PHC2: variants seen among roughly 807,000 people sequenced by gnomAD.
The protein encoded by PHC2 is polyhomeotic-like protein 2.
A neutral mutation model predicts 87.4 loss-of-function variants in PHC2; 29 were observed. That is an observed-to-expected ratio of 0.33 (90% CI 0.25 to 0.45). The LOEUF is 0.45. Among genes scored for constraint, PHC2 ranks in the 20% least tolerant of loss-of-function variants. The pLI is 1.00. For missense variants in PHC2, 857 were observed against 1,136.7 expected (o/e 0.75, Z 3.54); for synonymous variants, 438 against 461.7 (o/e 0.95, Z 0.66).
intron 13 of PHC2, among the ~76,000 whole-genome samples, chr1:33,329,776 C>G (rs1193958958): frequency 2.0e-5 from 3 of 152,146 alleles, no homozygotes; most frequent in Non-Finnish European, 4.4e-5. Context: ...CCTGAGCAGC[C>G]CAGGGGAGAC....
chr1:33,325,715 C>A (rs938615909), intron 14 of PHC2: 7 of 357,876 alleles, frequency 2.0e-5, no homozygotes, highest in African/African-American at 1.5e-4. Flanking sequence ...CTTGAGATGA[C>A]AAGTGATTGC....
In PHC2 at chr1:33,354,715, T is replaced by G. The variant is rs541203676; in HGVS notation, c.1392+123A>C. The G allele has an allele frequency of 1.2e-5, 16 of 1,340,598 alleles. No homozygotes were observed. The Middle Eastern group carries it at 7.5e-4, about 63-fold the overall frequency. The allele number at this position is 1,340,598 out of a possible 1,614,324, so 83.0% of individuals were successfully genotyped here. ...TTGGGGAAGGCCCTCTCTTCCTTCT[T>G]GGAATCCCCAAAGATGACTTCACCC... On this transcript the variant is annotated intron_variant, in intron 8 of 14. Transcript: ENST00000683057.
chr1:33,354,201 C>T (rs74334329), intron 9 of PHC2, among the ~76,000 whole-genome samples, 200 bp downstream of exon 9: 1 of 152,200 alleles, frequency 6.6e-6, no homozygotes, highest in East Asian at 1.9e-4. Flanking sequence ...TGTCTCCACC[C>T]TCTTGCTCTA....
At chr1:33,350,711 T>TC (rs772130749) in intron 9 of PHC2, among the ~76,000 whole-genome samples, 5 of 151,806 alleles carry the variant, frequency 3.3e-5, no homozygotes, top group Non-Finnish European at 7.4e-5. Flanking sequence ...GCCTTTCTTC[T>TC]CCCCCCACCC....
At chr1:33,333,090 G>C (rs531818451) in intron 10 of PHC2, among the ~76,000 whole-genome samples, 1 of 152,294 alleles carries the variant, frequency 6.6e-6, no homozygotes, top group Non-Finnish European at 1.5e-5. Context: ...GTGGTTTCTA[G>C]TGTTACTCTA....
chr1:33,391,521 G>C (rs867879040), intron 1 of PHC2, among the ~76,000 whole-genome samples: 2 of 152,074 alleles, frequency 1.3e-5, no homozygotes, highest in Non-Finnish European at 2.9e-5. Context: ...CTGTATGCTT[G>C]GGAAGATCTT....
In PHC2 at chr1:33,324,085, A is replaced by C. The variant is rs1646321566; in HGVS notation, c.*780T>G. ...TCACAGTGCGGGGAGGGGTGTCTGGAAAGGAAACTCTGAAGCGCCGTCTCT... is the reference window on the plus strand; with the variant it reads ...TCACAGTGCGGGGAGGGGTGTCTGGCAAGGAAACTCTGAAGCGCCGTCTCT... On this transcript the variant is annotated 3_prime_UTR_variant, in exon 15 of 15. Coordinates refer to ENST00000683057, the MANE Select transcript of PHC2 (RefSeq NM_001385109.1). 1 of 152,540 alleles carries C rather than the reference A, an allele frequency of 6.6e-6. No individual in the cohort carries two copies. The highest frequency in any genetic ancestry group is 2.1e-4 in the South Asian group (1 of 4,836). The allele number at this position is 152,540 out of a possible 1,614,324, so 9.4% of individuals were successfully genotyped here.
chr1:33,422,458 G>A (rs1265627390), intron 1 of PHC2, among the ~76,000 whole-genome samples: 1 of 152,168 alleles, frequency 6.6e-6, no homozygotes, highest in African/African-American at 2.4e-5. Context: ...CTAAAAGGAT[G>A]GGCAAGCCCA....
At chr1:33,339,670 C>G (rs1320822794) in intron 9 of PHC2, among the ~76,000 whole-genome samples, 1 of 152,230 alleles carries the variant, frequency 6.6e-6, no homozygotes, top group Non-Finnish European at 1.5e-5. Context: ...AGACGTCAGG[C>G]TGGTGCCAGT....
intron 7 of PHC2, among the ~76,000 whole-genome samples, chr1:33,361,006 T>C (rs1423252700): frequency 2.0e-5 from 3 of 152,196 alleles, no homozygotes; most frequent in Non-Finnish European, 4.4e-5. Context: ...TTGCAGGCAG[T>C]TGAGAATACT....
At position 33,368,808 on chromosome 1, in the gene PHC2, G is replaced by A. The variant is rs1647640685; in HGVS notation, c.577-186C>T. On this transcript the variant is annotated intron_variant, in intron 5 of 14. Coordinates refer to ENST00000683057, the MANE Select transcript of PHC2 (RefSeq NM_001385109.1). This position sits in a 1 kb window ranked among gnomAD's most constrained non-coding sequence, Gnocchi z 6.6. ...GCAGGACAGTAGAAGCAGAAAGGAA[G>A]GGGGAGTCCAAGGGGAGCGCCTGCC... Among the ~76,000 whole-genome samples, 1 of 152,184 alleles carries A rather than the reference G, an allele frequency of 6.6e-6. No homozygotes were observed. The highest frequency in any genetic ancestry group is 1.5e-5 in the Non-Finnish European group (1 of 68,030).
chr1:33,343,545 T>C (rs183894482), intron 9 of PHC2, among the ~76,000 whole-genome samples: 2 of 151,990 alleles, frequency 1.3e-5, no homozygotes, highest in African/African-American at 4.8e-5. Context: ...TCTAGGCCTC[T>C]TTCCTCATCT....
rs532087927 is a variant in PHC2 at position 33,334,785 on chromosome 1, A to G, written c.1559-493T>C. ...GAGGAGGGATTTTAAGAGCCCTGTG[A>G]AATGTCAAAACACTGAACCCCAGAA... On this transcript the variant is annotated intron_variant, in intron 9 of 14. Transcript: ENST00000683057. The surrounding 1 kb of genome is among the most constrained non-coding windows in gnomAD (Gnocchi z 5.5). Among the ~76,000 whole-genome samples, 3 of 152,350 alleles carry G rather than the reference A, an allele frequency of 2.0e-5. No homozygotes were observed. The highest frequency in any genetic ancestry group is 7.2e-5 in the African/African-American group (3 of 41,582).
chr1:33,332,150 TGG>T lies in PHC2; in HGVS notation c.1891+123_1891+124del. The T allele has an allele frequency of 9.5e-7, 1 of 1,055,550 alleles. No individual in the cohort carries two copies. The highest frequency in any genetic ancestry group is 1.4e-6 in the Non-Finnish European group (1 of 712,620). 65.4% of individuals were successfully genotyped at this position (1,055,550 alleles called of 1,614,324 possible). ...TGAGGGAAGGAGGCTGAGGAGGTGC[TGG>T]GGGAAATGTTTACAGACTCGCTGGC... On this transcript the variant is annotated intron_variant, in intron 11 of 14. Transcript: ENST00000683057. This position sits in a 1 kb window ranked among gnomAD's most constrained non-coding sequence, Gnocchi z 4.2.
At chr1:33,374,096 T>C (rs1648022027) in intron 2 of PHC2, among the ~76,000 whole-genome samples, 1 of 152,186 alleles carries the variant, frequency 6.6e-6, no homozygotes, top group Non-Finnish European at 1.5e-5. Flanking sequence ...TCTCTCAGAA[T>C]TATCTGTCTG....
intron 9 of PHC2, chr1:33,350,327 G>A (rs2148266432): frequency 6.6e-6 from 1 of 152,416 alleles, no homozygotes; most frequent in South Asian, 2.1e-4. Context: ...GAGGATCAGA[G>A]GGAAGTCATG....
chr1:33,378,867 T>G (rs180671148), intron 1 of PHC2, among the ~76,000 whole-genome samples: 21 of 152,014 alleles, frequency 1.4e-4, no homozygotes, highest in African/African-American at 5.1e-4. Context: ...GCTTGTAGAG[T>G]ATACCCATTT....
At chr1:33,379,878 C>T (rs1648408468) in intron 1 of PHC2, among the ~76,000 whole-genome samples, 2 of 152,102 alleles carry the variant, frequency 1.3e-5, no homozygotes, top group African/African-American at 4.8e-5. Context: ...TCTGGCTCCC[C>T]GTGGCTCTCC....
rs1646504777 is a variant in PHC2 at position 33,331,816 on chromosome 1, T to C, written c.1892-354A>G. The C allele has an allele frequency of 3.4e-6, 1 of 290,626 alleles. No homozygotes were observed. The highest frequency in any genetic ancestry group is 2.2e-5 in the African/African-American group (1 of 46,462). 18.0% of individuals were successfully genotyped at this position (290,626 alleles called of 1,614,324 possible). A position where few individuals can be genotyped will look rare whatever the true frequency, so the allele number is the denominator to read the frequency against. ...CTGCTCCGCTGGCATCATCACACCTTGATCTATGCAGCTGGCTGCTGACCC... is the reference window on the plus strand; with the variant it reads ...CTGCTCCGCTGGCATCATCACACCTCGATCTATGCAGCTGGCTGCTGACCC... On this transcript the variant is annotated intron_variant, in intron 11 of 14. Transcript: ENST00000683057. The surrounding 1 kb of genome is among the most constrained non-coding windows in gnomAD (Gnocchi z 5.2).
Sources: allele counts gnomAD v4.1 joint callset (sites outside exome capture counted in the v4.1 genomes callset), GRCh38; gene constraint gnomAD v4.1.1; non-coding constraint Gnocchi (gnomAD v3.1); transcripts MANE v1.5; gene names NCBI Gene and HGNC (gene_info 2026-07-23, HGNC 2026-07-21).